The following JMJD4 variants were observed in gnomAD, a reference collection of about 807,000 sequenced individuals.
JMJD4 encodes jumonji domain containing 4, also known as 2-oxoglutarate and iron-dependent oxygenase JMJD4.
Under a neutral mutation model 36.3 loss-of-function variants are expected in JMJD4, and 34 were observed. That is an observed-to-expected ratio of 0.94 (90% CI 0.71 to 1.25). JMJD4 has a LOEUF of 1.25. Among genes scored for constraint, JMJD4 ranks in the 50% most tolerant of loss-of-function variants. The probability of loss-of-function intolerance (pLI) is 0.00; values close to 1 mark genes in which losing one functional copy is unlikely to be tolerated. For missense variants in JMJD4, 584 were observed against 559.1 expected (o/e 1.04, Z -0.45); for synonymous variants, 269 against 235.3 (o/e 1.14, Z -1.31).
chr1:227,733,552 G>A lies in JMJD4; in HGVS notation c.684C>T (p.Tyr228=), dbSNP rs150323583. The change falls in exon 4 of 6, where the codon TAC becomes TAT. Residue 228 remains tyrosine, a synonymous_variant. Transcript: ENST00000620518. The part of the protein sequence containing the change: ...ALRDRHGNLP[Y]DVTSPALCDT... ...CGCAGAGTGCTGGGGAGGTCACGTCGTAGGGCAGGTTGCCGTGGCGGTCCC... is the reference window on the plus strand; with the variant it reads ...CGCAGAGTGCTGGGGAGGTCACGTCATAGGGCAGGTTGCCGTGGCGGTCCC... 8.4e-3 allele frequency: 13,534 copies of A among 1,606,598 alleles called. 79 individuals carry two copies. The highest frequency in any genetic ancestry group is 9.6e-3 in the Admixed American group (555 of 57,862).
At position 227,734,762 on chromosome 1, in the gene JMJD4, G is replaced by C. The variant is rs972058559; in HGVS notation, c.317C>G (p.Pro106Arg). Residue 106 changes from proline (P) to arginine (R), a missense_variant, in exon 2 of 6, where the codon CCC (proline) becomes CGC (arginine). Physicochemically the swap from Pro to Arg is moderately radical, Grantham distance 103 (BLOSUM62 -2). Transcript: ENST00000620518. Reference sequence around the variant, plus strand: ...GTCTCTGAGAGTCATGTGCTCTTTGGGGTTCGAGTTGTATTCCTGGACCCC... The same window carrying C: ...GTCTCTGAGAGTCATGTGCTCTTTGCGGTTCGAGTTGTATTCCTGGACCCC... The part of the protein sequence containing the change: ...NCGVQEYNSN[P>R]KEHMTLRDYI... The C allele has an allele frequency of 3.1e-6, 5 of 1,614,116 alleles. No homozygotes were observed. Among genetic ancestry groups the C allele is most frequent in the Non-Finnish European group, 4.2e-6 (5 of 1,180,016 alleles).
At chr1:227,734,121 C>T in intron 2 of JMJD4, 89 bp from the exon 3 acceptor site, 1 of 1,451,426 alleles carries the variant, frequency 6.9e-7, no homozygotes, top group Non-Finnish European at 9.3e-7. Flanking sequence ...GACCAATCGG[C>T]TCCAGTGGAG....
intron 2 of JMJD4, chr1:227,734,334 G>C (rs563484082): frequency 6.6e-6 from 2 of 304,278 alleles, no homozygotes; most frequent in South Asian, 1.2e-4. Context: ...TGGGCAACAT[G>C]GTGAAACCTA....
Position 227,733,933 on chromosome 1 carries a change from A to G in JMJD4, c.528T>C (p.Phe176=). The G allele has an allele frequency of 1.2e-6, 2 of 1,613,900 alleles. No individual in the cohort carries two copies. Among genetic ancestry groups the G allele is most frequent in the South Asian group, 1.1e-5 (1 of 91,084 alleles). ...AGCTGCCCGCAGGCCCCGCGTAGAC[A>G]AAGCGGTAGTCATCCACATCCAGTG... ...WDALDVDDYR[F]VYAGPAGSWS... Residue 176 remains phenylalanine, a synonymous_variant, in exon 3 of 6, where the codon TTT becomes TTC. Coordinates refer to ENST00000620518, the MANE Select transcript of JMJD4 (RefSeq NM_023007.3).
At position 227,731,326 on chromosome 1, in the gene JMJD4, C is replaced by G. The variant is rs1189847434; in HGVS notation, c.*1066G>C. 6.6e-6 allele frequency: 1 copy of G among 152,358 alleles called. No homozygotes were observed. The highest frequency in any genetic ancestry group is 1.5e-5 in the Non-Finnish European group (1 of 68,116). The allele number at this position is 152,358 out of a possible 1,614,324, so 9.4% of individuals were successfully genotyped here. On this transcript the variant is annotated 3_prime_UTR_variant, in exon 6 of 6. Coordinates refer to ENST00000620518, the MANE Select transcript of JMJD4 (RefSeq NM_023007.3). ...CCTTCTTGGGGGCTTCCATCCTAGA[C>G]AAGTGCCAGCGGCCCCAGTTGATGC...
intron 4 of JMJD4, 88 bp from the exon 5 acceptor site, chr1:227,733,115 G>A (rs1372877418): frequency 2.8e-6 from 4 of 1,453,076 alleles, no homozygotes; most frequent in Non-Finnish European, 2.8e-6. Context: ...ACCCACTGTG[G>A]GGTCCAGCCC....
rs770389795 is a variant in JMJD4 at position 227,732,390 on chromosome 1, T to G, written c.*2A>C. 6.2e-7 allele frequency: 1 copy of G among 1,611,794 alleles called. No individual in the cohort carries two copies. Among genetic ancestry groups the G allele is most frequent in the South Asian group, 1.1e-5 (1 of 91,036 alleles). The stretch of plus-strand genomic sequence containing the variant: ...CCCGTCCTTCTATCCTCACGACAGG[T>G]GCTATGGGGCCGCAGCAGCATCAAC... On this transcript the variant is annotated 3_prime_UTR_variant, in exon 6 of 6. Coordinates refer to ENST00000620518, the MANE Select transcript of JMJD4 (RefSeq NM_023007.3).
chr1:227,733,916 G>A lies in JMJD4; in HGVS notation c.545C>T (p.Ala182Val), dbSNP rs911002075. ...DDYRFVYAGP[A>V]GSWSPFHADI... is the part of the protein sequence containing the mutation. ...ACATCCGTGGCCTCACCAGCTGCCC[G>A]CAGGCCCCGCGTAGACAAAGCGGTA... The change falls in exon 3 of 6, where the codon GCG (alanine) becomes GTG (valine). Residue 182 changes from alanine (A) to valine (V), a missense_variant. By Grantham distance (64) the Ala-to-Val change is moderately conservative. Coordinates refer to ENST00000620518, the MANE Select transcript of JMJD4 (RefSeq NM_023007.3). 8 of 1,613,506 alleles carry A rather than the reference G, an allele frequency of 5.0e-6. No homozygotes were observed. The highest frequency in any genetic ancestry group is 2.7e-5 in the African/African-American group (2 of 75,048).
At position 227,733,938 on chromosome 1, in the gene JMJD4, G is replaced by A. The variant is rs755408098; in HGVS notation, c.523C>T (p.Arg175Cys). Residue 175 changes from arginine (R) to cysteine (C), a missense_variant, in exon 3 of 6, where the codon CGC becomes TGC. Arg to Cys is a radical substitution (Grantham distance 180, BLOSUM62 -3). Transcript: ENST00000620518. Reference sequence around the variant, plus strand: ...CCCGCAGGCCCCGCGTAGACAAAGCGGTAGTCATCCACATCCAGTGCATCC... The same window carrying A: ...CCCGCAGGCCCCGCGTAGACAAAGCAGTAGTCATCCACATCCAGTGCATCC... ...FWDALDVDDY[R>C]FVYAGPAGSW... The A allele has an allele frequency of 9.9e-6, 16 of 1,613,786 alleles. No individual in the cohort carries two copies. The highest frequency in any genetic ancestry group is 8.9e-5 in the East Asian group (4 of 44,888).
rs1200567624 is a variant in JMJD4 at position 227,732,659 on chromosome 1, G to A, written c.987C>T (p.Cys329=). ...HHHCQVIMRS[C]SGINFEEFYH... is the part of the protein sequence containing the mutation. Reference sequence around the variant, plus strand: ...AAAACTCTTCAAAGTTGATGCCCGAGCAGGACCTCATGATGACCTGGGCAG... The same window carrying A: ...AAAACTCTTCAAAGTTGATGCCCGAACAGGACCTCATGATGACCTGGGCAG... The change falls in exon 6 of 6, where the codon TGC becomes TGT. Residue 329 remains cysteine (C), a synonymous_variant. Transcript: ENST00000620518. 1 of 1,612,972 alleles carries A rather than the reference G, an allele frequency of 6.2e-7. No individual in the cohort carries two copies. The highest frequency in any genetic ancestry group is 1.7e-5 in the Admixed American group (1 of 60,024).
chr1:227,732,947 T>C lies in JMJD4; in HGVS notation c.903A>G (p.Leu301=), dbSNP rs1308119359. The change falls in exon 5 of 6, where the codon CTA becomes CTG. Residue 301 remains leucine (L), a synonymous_variant. Transcript: ENST00000620518. ...ANMWRFLQQE[L]CAVQEEVSEW... Reference sequence around the variant, plus strand: ...CGCTGACCTCCTCCTGCACGGCGCATAGCTCCTGCTGCAAGAAGCGCCACA... The same window carrying C: ...CGCTGACCTCCTCCTGCACGGCGCACAGCTCCTGCTGCAAGAAGCGCCACA... 6.2e-7 allele frequency: 1 copy of C among 1,613,230 alleles called. No homozygotes were observed. The highest frequency in any genetic ancestry group is 1.7e-5 in the Admixed American group (1 of 60,034).
At chr1:227,734,176 G>A in intron 2 of JMJD4, 144 bp from the exon 3 acceptor site, 1 of 910,864 alleles carries the variant, frequency 1.1e-6, no homozygotes, top group Non-Finnish European at 1.6e-6. Context: ...ACCCTCCTCT[G>A]AGCCAGACGC....
rs1243299307 is a variant in JMJD4, at chr1:227,733,596, C to A, written c.640G>T (p.Gly214Trp). The part of the protein sequence containing the change: ...GRKKWLLFPP[G>W]QEEALRDRHG... The stretch of plus-strand genomic sequence containing the variant: ...CGGTCCCGCAGGGCCTCTTCCTGCC[C>A]TGGGGGGAAGAGGAGCCACTTCTTC... Residue 214 changes from glycine to tryptophan, a missense_variant, in exon 4 of 6, where the codon GGG becomes TGG. Transcript: ENST00000620518. The A allele has an allele frequency of 6.2e-7, 1 of 1,607,820 alleles. No homozygotes were observed. Among genetic ancestry groups the A allele is most frequent in the Admixed American group, 1.7e-5 (1 of 58,530 alleles).
intron 5 of JMJD4, 96 bp from the exon 6 acceptor site, chr1:227,732,772 G>A: frequency 6.3e-7 from 1 of 1,588,674 alleles, no homozygotes; most frequent in Non-Finnish European, 8.6e-7. Flanking sequence ...ACGAAGAAGG[G>A]ACCATTAAGA....
rs555140111 is a variant in JMJD4 at position 227,734,064 on chromosome 1, G to A, written c.429-32C>T. 2.3e-4 allele frequency: 371 copies of A among 1,602,250 alleles called. 2 individuals are homozygous for A. In the South Asian group the frequency reaches 3.8e-3, roughly 16 times the overall value. ...GGAGGGCGCAAGGGCACCACCGACA[G>A]CACGTGAGGCACGAGGAGACTAGGG... is the stretch of plus-strand genomic sequence containing the variant. On this transcript the variant is annotated intron_variant, in intron 2 of 5. Transcript: ENST00000620518.
Position 227,732,363 on chromosome 1 carries a change from C to T in JMJD4, c.*29G>A. 10 of 1,603,944 alleles carry T rather than the reference C, an allele frequency of 6.2e-6. No individual in the cohort carries two copies. Among genetic ancestry groups the T allele is most frequent in the Non-Finnish European group, 7.7e-6 (9 of 1,174,068 alleles). Reference sequence around the variant, plus strand: ...CCGGAGCAGGAGGCTGCCTCTCTTCCACCCGTCCTTCTATCCTCACGACAG... The same window carrying T: ...CCGGAGCAGGAGGCTGCCTCTCTTCTACCCGTCCTTCTATCCTCACGACAG... On this transcript the variant is annotated 3_prime_UTR_variant, in exon 6 of 6. Transcript: ENST00000620518.
intron 2 of JMJD4, chr1:227,734,380 C>T (rs530534124): frequency 2.7e-4 from 80 of 293,606 alleles, no homozygotes; most frequent in African/African-American, 2.0e-3. Flanking sequence ...AAAAAAAAGC[C>T]GGGAGTGGAG....
In JMJD4 at chr1:227,733,521, G is replaced by A. The variant is rs1287059117; in HGVS notation, c.715C>T (p.His239Tyr). Residue 239 changes from histidine to tyrosine, a missense_variant, in exon 4 of 6, where the codon CAC (histidine) becomes TAC (tyrosine). Physicochemically the swap from His to Tyr is moderately conservative, Grantham distance 83. Transcript: ENST00000620518. Reference sequence around the variant, plus strand: ...GCAAGCTGGTTCCGTGGGTGCAGGTGTGTGTCGCAGAGTGCTGGGGAGGTC... The same window carrying A: ...GCAAGCTGGTTCCGTGGGTGCAGGTATGTGTCGCAGAGTGCTGGGGAGGTC... ...DVTSPALCDT[H>Y]LHPRNQLAGP... 1.9e-6 allele frequency: 3 copies of A among 1,602,460 alleles called. No individual in the cohort carries two copies. The highest frequency in any genetic ancestry group is 2.6e-6 in the Non-Finnish European group (3 of 1,174,050).
chr1:227,733,750 G>A, intron 3 of JMJD4, 69 bp from the exon 4 acceptor site: 1 of 1,593,322 alleles, frequency 6.3e-7, no homozygotes, highest in South Asian at 1.1e-5. Flanking sequence ...CACCCCAGAG[G>A]CCTGGTCCAA....
Sources: allele counts gnomAD v4.1 joint callset, GRCh38; gene constraint gnomAD v4.1.1; transcripts MANE v1.5; gene names NCBI Gene and HGNC (gene_info 2026-07-23, HGNC 2026-07-21).